The following TBC1D14 variants were observed in gnomAD, a reference collection of about 807,000 sequenced individuals.
TBC1D14 encodes the protein TBC1 domain family member 14, also known as TBC1 domain family, member 14.
Under a neutral mutation model 79.0 loss-of-function variants are expected in TBC1D14, and 26 were observed. The ratio of observed to expected loss-of-function variants is 0.33; its 90% CI spans 0.24 to 0.46. TBC1D14 has a LOEUF of 0.46. TBC1D14 is among the 20% of genes least tolerant of loss of function. The pLI is 1.00. For synonymous variants in TBC1D14, 394 were observed against 349.9 expected, an observed-to-expected ratio of 1.13 and a Z score of -1.40; for missense variants, 769 against 887.6, an observed-to-expected ratio of 0.87 and a Z score of 1.70.
intron 12 of TBC1D14, among the ~76,000 whole-genome samples, chr4:7,021,610 GAGA>G (rs896901505): frequency 6.6e-6 from 1 of 151,832 alleles, no homozygotes; most frequent in South Asian, 2.1e-4. Flanking sequence ...AAAAAGAAAA[GAGA>G]AGAATTATGT....
intron 3 of TBC1D14, among the ~76,000 whole-genome samples, chr4:6,989,081 T>C (rs112521533): frequency 0.014 from 2,180 of 152,174 alleles, 53 homozygotes; most frequent in African/African-American, 0.05. Context: ...TGATCCTTTC[T>C]TTTCGCTCTT....
At chr4:6,923,242 A>G in intron 1 of TBC1D14, 131 bp from the exon 2 acceptor site, 1 of 1,063,900 alleles carries the variant, frequency 9.4e-7, no homozygotes, top group South Asian at 1.7e-5. Flanking sequence ...CTTGAATCAA[A>G]ACTTGGGTAT....
chr4:6,964,306 C>T (rs753569313), intron 2 of TBC1D14, among the ~76,000 whole-genome samples: 2 of 152,154 alleles, frequency 1.3e-5, no homozygotes, highest in African/African-American at 2.4e-5. Context: ...TCTGCACATC[C>T]CCACACTCCG....
intron 1 of TBC1D14, among the ~76,000 whole-genome samples, chr4:6,918,369 G>A (rs34481892): frequency 0.088 from 13,344 of 152,262 alleles, 753 homozygotes; most frequent in Middle Eastern, 0.16. Context: ...TCTGTCATCA[G>A]CATTTGCGTT....
chr4:7,009,767 A>G (rs1333284809), intron 9 of TBC1D14, 110 bp from the exon 10 acceptor site: 2 of 1,070,188 alleles, frequency 1.9e-6, no homozygotes, highest in Non-Finnish European at 1.4e-6. Flanking sequence ...CATATTTCAT[A>G]ATGCTGAAAA....
intron 2 of TBC1D14, among the ~76,000 whole-genome samples, chr4:6,954,691 C>G (rs547896791): frequency 6.6e-6 from 1 of 152,346 alleles, no homozygotes; most frequent in Non-Finnish European, 1.5e-5. Context: ...GCCTCCGCCT[C>G]CCAGGTTCAC....
intron 2 of TBC1D14, among the ~76,000 whole-genome samples, chr4:6,963,266 C>T (rs540491526): frequency 6.6e-6 from 1 of 152,334 alleles, no homozygotes; most frequent in African/African-American, 2.4e-5. Flanking sequence ...CTGTGAGTGT[C>T]AGAGATGGTG....
At chr4:6,920,298 A>T (rs532765549) in intron 1 of TBC1D14, among the ~76,000 whole-genome samples, 81 of 147,744 alleles carry the variant, frequency 5.5e-4, no homozygotes, top group Non-Finnish European at 1.0e-3. Flanking sequence ...TGGAGACAGG[A>T]TTGTGCCCTG....
At chr4:7,018,481 C>A (rs1721495467) in intron 12 of TBC1D14, among the ~76,000 whole-genome samples, 1 of 152,242 alleles carries the variant, frequency 6.6e-6, no homozygotes, top group African/African-American at 2.4e-5. Flanking sequence ...TCAGCTGCTG[C>A]CCCAGTGGTA....
intron 2 of TBC1D14, among the ~76,000 whole-genome samples, chr4:6,932,265 C>G (rs1038501710): frequency 4.6e-5 from 7 of 151,690 alleles, no homozygotes; most frequent in African/African-American, 1.7e-4. Context: ...GAGGCTGAGG[C>G]AGGAGAATTG....
chr4:6,996,408 G>T lies in TBC1D14; in HGVS notation c.1045+1G>T, dbSNP rs1257694449. ...ATGGTGGTTCAGGCCAAAAAGCGAG[G>T]TAATGGGGTTCACACTTGATGGGTT... On this transcript the variant is annotated splice_donor_variant, in intron 5 of 13. Transcript: ENST00000409757. LOFTEE classifies it high-confidence loss of function. 1 of 1,612,406 alleles carries T rather than the reference G, an allele frequency of 6.2e-7. No homozygotes were observed. Among genetic ancestry groups the T allele is most frequent in the Non-Finnish European group, 8.5e-7 (1 of 1,178,596 alleles).
At position 6,996,377 on chromosome 4, in the gene TBC1D14, G is replaced by A; in HGVS notation, c.1015G>A (p.Glu339Lys). The A allele has an allele frequency of 6.2e-7, 1 of 1,613,866 alleles. No homozygotes were observed. ...EEAQKHRQQYEEMVVQAKKRE... is the reference protein window; with the variant it reads ...EEAQKHRQQYKEMVVQAKKRE... ...AGCTCAGAAGCACAGACAGCAGTAT[G>A]AAGAAATGGTGGTTCAGGCCAAAAA... The change falls in exon 5 of 14, where the codon GAA becomes AAA. Residue 339 changes from glutamate (E) to lysine (K), a missense_variant. Transcript: ENST00000409757.
intron 3 of TBC1D14, among the ~76,000 whole-genome samples, chr4:6,973,331 T>G (rs1343413142): frequency 6.6e-6 from 1 of 152,190 alleles, no homozygotes; most frequent in Admixed American, 6.5e-5. Flanking sequence ...GCAGCAAGGA[T>G]AGGTCTTGGT....
intron 2 of TBC1D14, among the ~76,000 whole-genome samples, chr4:6,929,302 G>T (rs1017740889): frequency 6.6e-6 from 1 of 152,204 alleles, no homozygotes; most frequent in Non-Finnish European, 1.5e-5. Context: ...TTCTAATCAA[G>T]GTGTTGGGCT....
chr4:6,977,008 C>T (rs892714416), intron 3 of TBC1D14, among the ~76,000 whole-genome samples: 6 of 138,986 alleles, frequency 4.3e-5, no homozygotes, highest in South Asian at 2.4e-4. Context: ...CTATCAATCC[C>T]GGAGAAGAAA....
chr4:6,916,980 A>G (rs1723453512), intron 1 of TBC1D14, among the ~76,000 whole-genome samples: 1 of 152,138 alleles, frequency 6.6e-6, no homozygotes, highest in Non-Finnish European at 1.5e-5. Context: ...CAAGGCAGGA[A>G]TTTTCACTTT....
At position 6,921,073 on chromosome 4, in the gene TBC1D14, C is replaced by T. The variant is rs557959650; in HGVS notation, c.-17-2300C>T. On this transcript the variant is annotated intron_variant, in intron 1 of 13. Transcript: ENST00000409757. Reference sequence around the variant, plus strand: ...GGGATTACAGGCGTGAGCCACTGCACCCGGCCATTTTAAAGAAAAATAAAA... The same window carrying T: ...GGGATTACAGGCGTGAGCCACTGCATCCGGCCATTTTAAAGAAAAATAAAA... Among the ~76,000 whole-genome samples the T allele has an allele frequency of 1.6e-3, 247 of 152,346 alleles. 1 individual carries two copies. The highest frequency in any genetic ancestry group is 5.6e-3 in the African/African-American group (234 of 41,574).
intron 2 of TBC1D14, among the ~76,000 whole-genome samples, chr4:6,952,921 C>T (rs560635280): frequency 6.6e-6 from 1 of 152,064 alleles, no homozygotes; most frequent in East Asian, 1.9e-4. Flanking sequence ...GATCTTGGCT[C>T]ACTGCAATCT....
chr4:6,998,185 C>A (rs1429964944), intron 5 of TBC1D14, among the ~76,000 whole-genome samples: 2 of 151,960 alleles, frequency 1.3e-5, no homozygotes, highest in East Asian at 1.9e-4. Context: ...CATGGTAAAA[C>A]CCTGTCTCTA....
Sources: allele counts gnomAD v4.1 joint callset (sites outside exome capture counted in the v4.1 genomes callset), GRCh38; gene constraint gnomAD v4.1.1; transcripts MANE v1.5; gene names NCBI Gene and HGNC (gene_info 2026-07-23, HGNC 2026-07-21).